The following MYO1E variants were observed in gnomAD, a reference collection of about 807,000 sequenced individuals.
MYO1E encodes unconventional myosin-Ie.
Under a neutral mutation model 151.1 loss-of-function variants are expected in MYO1E, and 68 were observed. The ratio of observed to expected loss-of-function variants is 0.45; its 90% CI spans 0.37 to 0.55. The LOEUF (loss-of-function observed/expected upper bound fraction) is 0.55. MYO1E is among the 20% of genes least tolerant of loss of function. The pLI is 0.00. For synonymous variants in MYO1E, 601 were observed against 501.7 expected (o/e 1.20, Z -2.64); for missense variants, 1,363 against 1,389.3 (o/e 0.98, Z 0.30).
At position 59,178,514 on chromosome 15, in the gene MYO1E, G is replaced by C. The variant is rs768505368; in HGVS notation, c.1928C>G (p.Thr643Ser). ...CTCCTCTCCCTGCCAAGAAGGCCAGGTGGCTTTGGTCAGAATGGCATACCT... is the reference window on the plus strand; with the variant it reads ...CTCCTCTCCCTGCCAAGAAGGCCAGCTGGCTTTGGTCAGAATGGCATACCT... The part of the protein sequence containing the change: ...LQRYAILTKA[T>S]WPSWQGEEKQ... The change falls in exon 19 of 28, where the codon ACC becomes AGC. Residue 643 changes from threonine (T) to serine (S), a missense_variant. By Grantham distance (58) the Thr-to-Ser change is moderately conservative. Coordinates refer to ENST00000288235, the MANE Select transcript of MYO1E (RefSeq NM_004998.4). The C allele has an allele frequency of 6.2e-7, 1 of 1,614,222 alleles. No individual in the cohort carries two copies.
intron 1 of MYO1E, among the ~76,000 whole-genome samples, chr15:59,353,394 GA>G (rs1555422224): frequency 2.1e-5 from 2 of 96,800 alleles, no homozygotes; most frequent in African/African-American, 6.3e-5. Context: ...GAAAAGAAAA[GA>G]AAAAAAAGAA....
At chr15:59,335,972 A>G (rs2080725939) in intron 1 of MYO1E, among the ~76,000 whole-genome samples, 1 of 151,864 alleles carries the variant, frequency 6.6e-6, no homozygotes, top group African/African-American at 2.4e-5. Flanking sequence ...ACACAAAAAA[A>G]CAAGTCCTGC....
At chr15:59,267,727 C>T (rs1017531493) in intron 2 of MYO1E, among the ~76,000 whole-genome samples, 8 of 152,202 alleles carry the variant, frequency 5.3e-5, no homozygotes, top group South Asian at 2.1e-4. Flanking sequence ...CTCTTTTCGT[C>T]GGCCAAGTGG....
intron 1 of MYO1E, among the ~76,000 whole-genome samples, chr15:59,351,357 C>A (rs1464877956): frequency 6.6e-6 from 1 of 152,126 alleles, no homozygotes; most frequent in Non-Finnish European, 1.5e-5. Context: ...AGTGAAAATC[C>A]ACTGTGTACA....
chr15:59,343,107 G>A (rs1215989156), intron 1 of MYO1E, among the ~76,000 whole-genome samples: 6 of 151,992 alleles, frequency 3.9e-5, no homozygotes, highest in African/African-American at 1.5e-4. Context: ...AGTGAGTTTT[G>A]TACCTTCAGA....
chr15:59,323,423 G>A (rs1174813970), intron 1 of MYO1E, among the ~76,000 whole-genome samples: 4 of 151,896 alleles, frequency 2.6e-5, no homozygotes, highest in Non-Finnish European at 4.4e-5. Context: ...GGAGGCCGAG[G>A]TGGGAGATGG....
At position 59,227,130 on chromosome 15, in the gene MYO1E, T is replaced by C. The variant is rs192808659; in HGVS notation, c.642+329A>G. On this transcript the variant is annotated intron_variant, in intron 7 of 27. Transcript: ENST00000288235. ...TCCCCTCCACTTTCCATCCGGGCTC[T>C]ACCTCCTTCACACCTCTCCTACTAT... Among the ~76,000 whole-genome samples, 264 of 152,328 alleles carry C rather than the reference T, an allele frequency of 1.7e-3. 1 individual carries two copies. The highest frequency in any genetic ancestry group is 5.9e-3 in the African/African-American group (247 of 41,580).
chr15:59,346,250 C>G (rs1425135057), intron 1 of MYO1E, among the ~76,000 whole-genome samples: 1 of 152,228 alleles, frequency 6.6e-6, no homozygotes. Flanking sequence ...TTCAGAAGCA[C>G]GAACTGCAGG....
chr15:59,305,599 C>A (rs1167429507), intron 1 of MYO1E, among the ~76,000 whole-genome samples: 1 of 152,162 alleles, frequency 6.6e-6, no homozygotes, highest in Non-Finnish European at 1.5e-5. Flanking sequence ...AACCCTGAGT[C>A]ACAACTTTCT....
At position 59,350,947 on chromosome 15, in the gene MYO1E, C is replaced by T. The variant is rs1051584682; in HGVS notation, c.3+21551G>A. ...AGTCTCGCTCTGTCACCCAGGCTGG[C>T]GTGCAGTGGCGCGATCTCGGCTCAA... On this transcript the variant is annotated intron_variant, in intron 1 of 27. Transcript: ENST00000288235. This position sits in a 1 kb window ranked among gnomAD's most constrained non-coding sequence, Gnocchi z 5.0. Among the ~76,000 whole-genome samples, 1 of 152,108 alleles carries T rather than the reference C, an allele frequency of 6.6e-6. No homozygotes were observed. Among genetic ancestry groups the T allele is most frequent in the Non-Finnish European group, 1.5e-5 (1 of 68,010 alleles).
intron 4 of MYO1E, among the ~76,000 whole-genome samples, chr15:59,241,734 AAAT>A (rs1415912137): frequency 2.6e-5 from 4 of 151,914 alleles, no homozygotes; most frequent in African/African-American, 9.7e-5. Flanking sequence ...ATAAAAATAA[AAAT>A]AAAAATTTTT....
In MYO1E at chr15:59,290,215, G is replaced by A. The variant is rs532672332; in HGVS notation, c.4-17766C>T. On this transcript the variant is annotated intron_variant, in intron 1 of 27. Transcript: ENST00000288235. ...ACCTGGCAGCTTCTATTAAGGCTAC[G>A]GTAGAAGACAGAAGAAATGGATTCC... Among the ~76,000 whole-genome samples the A allele has an allele frequency of 9.2e-5, 14 of 152,272 alleles. 1 individual carries two copies. Among genetic ancestry groups the A allele is most frequent in the African/African-American group, 2.4e-4 (10 of 41,532 alleles).
chr15:59,344,232 G>A (rs2080781471), intron 1 of MYO1E, among the ~76,000 whole-genome samples: 1 of 152,214 alleles, frequency 6.6e-6, no homozygotes, highest in African/African-American at 2.4e-5. Context: ...TGCATTATGG[G>A]GTACCCCAAG....
intron 10 of MYO1E, among the ~76,000 whole-genome samples, chr15:59,216,365 A>C (rs2079914177): frequency 6.6e-6 from 1 of 151,926 alleles, no homozygotes; most frequent in South Asian, 2.1e-4. Flanking sequence ...TGTAAGAATT[A>C]AGTGAGGGTT....
intron 6 of MYO1E, 149 bp from the exon 7 acceptor site, chr15:59,227,739 T>A (rs2080000757): frequency 9.1e-7 from 1 of 1,094,770 alleles, no homozygotes; most frequent in Non-Finnish European, 1.4e-6. Context: ...ACTTCCTTAG[T>A]TTTCAATCAG....
Position 59,133,028 on chromosome 15 carries a change from A to C in MYO1E, c.*4352T>G, listed in dbSNP as rs1272646239. ...TGAGAGGAAGATATTGGAAGTTGAA[A>C]GGCTGACACAGTAGACCATCACATT... On this transcript the variant is annotated 3_prime_UTR_variant, in exon 28 of 28. Coordinates refer to ENST00000288235, the MANE Select transcript of MYO1E (RefSeq NM_004998.4). 1 of 152,236 alleles carries C rather than the reference A, an allele frequency of 6.6e-6. No homozygotes were observed. Among genetic ancestry groups the C allele is most frequent in the Non-Finnish European group, 1.5e-5 (1 of 68,050 alleles). 9.4% of individuals were successfully genotyped at this position (152,236 alleles called of 1,614,324 possible).
rs138030093 is a variant in MYO1E, at chr15:59,153,686, G to A, written c.2984C>T (p.Pro995Leu). 5.3e-5 allele frequency: 86 copies of A among 1,614,078 alleles called. 1 individual carries two copies. The highest frequency in any genetic ancestry group is 3.3e-4 in the Middle Eastern group (2 of 6,084). Residue 995 changes from proline to leucine, a missense_variant, in exon 26 of 28, where the codon CCG (proline) becomes CTG (leucine). Pro to Leu is a moderately conservative substitution (Grantham distance 98). Transcript: ENST00000288235. ...GGTAGACTGCTGCCGAGGCAAGGGC[G>A]GGCGGGCCATGGAGGTGTACAGGCT... is the stretch of plus-strand genomic sequence containing the variant. Reference protein sequence around the residue: ...QKSLYTSMARPPLPRQQSTSS... With the variant: ...QKSLYTSMARLPLPRQQSTSS...
intron 4 of MYO1E, among the ~76,000 whole-genome samples, chr15:59,243,326 T>TCCTA (rs2080111151): frequency 6.6e-6 from 1 of 152,142 alleles, no homozygotes; most frequent in Non-Finnish European, 1.5e-5. Flanking sequence ...CACTGAAATA[T>TCCTA]TGTGGCTATG....
At chr15:59,363,072 C>T (rs10851652) in intron 1 of MYO1E, among the ~76,000 whole-genome samples, 139,857 of 151,120 alleles carry the variant, frequency 0.93, 65,469 homozygotes, top group East Asian at 1. Context: ...GCCTCCCAGG[C>T]TCACGCCATT....
Sources: allele counts gnomAD v4.1 joint callset (sites outside exome capture counted in the v4.1 genomes callset), GRCh38; gene constraint gnomAD v4.1.1; non-coding constraint Gnocchi (gnomAD v3.1); transcripts MANE v1.5; gene names NCBI Gene and HGNC (gene_info 2026-07-23, HGNC 2026-07-21).